The following NRG3 variants were observed in gnomAD, a reference collection of about 807,000 sequenced individuals.
NRG3 encodes the protein neuregulin 3.
In NRG3, 31 loss-of-function variants were observed where a neutral mutation model predicts 66.9. That is an observed-to-expected ratio of 0.46 (90% CI 0.35 to 0.63). The LOEUF (loss-of-function observed/expected upper bound fraction) is 0.63. Among genes scored for constraint, NRG3 ranks in the 20% least tolerant of loss-of-function variants. The pLI, the probability that NRG3 is intolerant of heterozygous loss-of-function variation, is 0.00. For missense variants in NRG3, 910 were observed against 878.9 expected (o/e 1.04, Z -0.45); for synonymous variants, 393 against 359.4 (o/e 1.09, Z -1.06).
chr10:82,059,281 TGGGC>T (rs2064007557), intron 1 of NRG3, among the ~76,000 whole-genome samples: 2 of 152,158 alleles, frequency 1.3e-5, no homozygotes, highest in Non-Finnish European at 2.9e-5. Flanking sequence ...CTTAGAGGGA[TGGGC>T]TGATTTAGAG....
chr10:82,865,825 T>C (rs1232711790), intron 4 of NRG3, among the ~76,000 whole-genome samples: 1 of 152,194 alleles, frequency 6.6e-6, no homozygotes, highest in Non-Finnish European at 1.5e-5. Context: ...TAAAAAGCAA[T>C]GGTTTTTAAA....
At chr10:82,965,493 T>C (rs373105739) in intron 6 of NRG3, among the ~76,000 whole-genome samples, 3 of 152,300 alleles carry the variant, frequency 2.0e-5, no homozygotes, top group East Asian at 3.9e-4. Flanking sequence ...CCCAGCACTT[T>C]GGAAGGCAAA....
intron 1 of NRG3, among the ~76,000 whole-genome samples, chr10:82,259,336 A>G (rs2134184522): frequency 1.3e-5 from 2 of 152,214 alleles, no homozygotes; most frequent in East Asian, 3.9e-4. Flanking sequence ...CATACATTTG[A>G]CAAGTAGTCC....
chr10:82,569,805 G>T (rs538127403), intron 2 of NRG3, among the ~76,000 whole-genome samples: 3 of 151,660 alleles, frequency 2.0e-5, no homozygotes, highest in African/African-American at 7.2e-5. Context: ...TCCTGTCAAA[G>T]ATCTCTCATA....
intron 2 of NRG3, among the ~76,000 whole-genome samples, chr10:82,440,384 C>A (rs1313537713): frequency 7.0e-6 from 1 of 143,874 alleles, no homozygotes; most frequent in African/African-American, 2.6e-5. Context: ...TTTGAACAGC[C>A]TTCTTTTAGT....
chr10:82,160,191 CA>C (rs1437841211), intron 1 of NRG3, among the ~76,000 whole-genome samples: 1 of 151,840 alleles, frequency 6.6e-6, no homozygotes, highest in Non-Finnish European at 1.5e-5. Context: ...ACAATAGAAT[CA>C]TCTAAATATC....
chr10:82,706,356 C>T (rs1334648372), intron 2 of NRG3, among the ~76,000 whole-genome samples: 6 of 152,090 alleles, frequency 3.9e-5, no homozygotes, highest in Admixed American at 6.6e-5. Context: ...TCTTTATATA[C>T]GTTATTTCCA....
intron 2 of NRG3, among the ~76,000 whole-genome samples, chr10:82,467,444 G>A (rs1341503435): frequency 6.6e-6 from 1 of 152,180 alleles, no homozygotes; most frequent in Non-Finnish European, 1.5e-5. Flanking sequence ...GTAAAAATGG[G>A]ATATGTTTTC....
intron 1 of NRG3, among the ~76,000 whole-genome samples, chr10:82,300,890 G>A (rs752270461): frequency 1.8e-4 from 27 of 152,030 alleles, no homozygotes; most frequent in Admixed American, 3.9e-4. Flanking sequence ...CAGCTACTCA[G>A]GAGGCTGAAG....
intron 2 of NRG3, among the ~76,000 whole-genome samples, chr10:82,577,020 A>G (rs1167009389): frequency 6.6e-6 from 1 of 151,706 alleles, no homozygotes; most frequent in African/African-American, 2.4e-5. Context: ...TAGTTTTCCA[A>G]CGTTTTATTA....
intron 3 of NRG3, among the ~76,000 whole-genome samples, chr10:82,768,134 A>G (rs2059585849): frequency 6.6e-6 from 1 of 152,168 alleles, no homozygotes; most frequent in South Asian, 2.1e-4. Flanking sequence ...TTGCAAGTCA[A>G]GAGTAGGAGA....
At position 81,941,040 on chromosome 10, in the gene NRG3, T is replaced by C. The variant is rs368866372; in HGVS notation, c.823+64877T>C. Among the ~76,000 whole-genome samples the C allele has an allele frequency of 1.2e-4, 19 of 152,216 alleles. 2 individuals are homozygous for C. Among genetic ancestry groups the C allele is most frequent in the African/African-American group, 4.6e-4 (19 of 41,550 alleles). Reference sequence around the variant, plus strand: ...TCTAAGAAGCACAGTAAAAATAAAATGAAGCTTTAAAAGTTTAAAATGATA... The same window carrying C: ...TCTAAGAAGCACAGTAAAAATAAAACGAAGCTTTAAAAGTTTAAAATGATA... On this transcript the variant is annotated intron_variant, in intron 1 of 8. Coordinates refer to ENST00000372141, the MANE Select transcript of NRG3 (RefSeq NM_001010848.4).
chr10:82,395,791 T>C (rs909108346), intron 2 of NRG3, among the ~76,000 whole-genome samples: 1 of 152,134 alleles, frequency 6.6e-6, no homozygotes, highest in African/African-American at 2.4e-5. Flanking sequence ...ACATGACCAA[T>C]TAAAGCTGAG....
At chr10:82,692,130 G>A (rs933578275) in intron 2 of NRG3, among the ~76,000 whole-genome samples, 4 of 151,940 alleles carry the variant, frequency 2.6e-5, no homozygotes, top group African/African-American at 9.7e-5. Context: ...GGCAGAGCCT[G>A]TAATCCCAGC....
At chr10:81,959,017 GATGAA>G (rs1192805719) in intron 1 of NRG3, among the ~76,000 whole-genome samples, 1 of 152,202 alleles carries the variant, frequency 6.6e-6, no homozygotes, top group African/African-American at 2.4e-5. Flanking sequence ...GGGGAGTGAT[GATGAA>G]ATGAATATTT....
chr10:82,140,191 A>G (rs2069665483), intron 1 of NRG3, among the ~76,000 whole-genome samples: 1 of 152,126 alleles, frequency 6.6e-6, no homozygotes, highest in Non-Finnish European at 1.5e-5. Flanking sequence ...TCAACTTCCT[A>G]GTCGACTCTT....
At chr10:82,538,570 C>T (rs1380476155) in intron 2 of NRG3, among the ~76,000 whole-genome samples, 3 of 151,836 alleles carry the variant, frequency 2.0e-5, no homozygotes, top group Non-Finnish European at 4.4e-5. Context: ...TTGATTGTTC[C>T]ATTTATTGCA....
intron 2 of NRG3, 50 bp downstream of exon 2, chr10:82,358,918 G>T (rs772114036): frequency 1.9e-6 from 3 of 1,611,916 alleles, no homozygotes; most frequent in Non-Finnish European, 1.7e-6. Context: ...TGCAAGGCGT[G>T]GGGGTGGAGG....
intron 1 of NRG3, among the ~76,000 whole-genome samples, chr10:82,088,715 G>A (rs915903176): frequency 1.3e-5 from 2 of 152,174 alleles, no homozygotes; most frequent in Admixed American, 6.5e-5. Flanking sequence ...GTATTTAATA[G>A]ACATTGAAGA....
Sources: allele counts gnomAD v4.1 joint callset (sites outside exome capture counted in the v4.1 genomes callset), GRCh38; gene constraint gnomAD v4.1.1; transcripts MANE v1.5; gene names NCBI Gene and HGNC (gene_info 2026-07-23, HGNC 2026-07-21).